Variants in SUCLG2 observed in about 807,000 individuals in gnomAD.
SUCLG2 encodes succinate--CoA ligase [GDP-forming] subunit beta, mitochondrial.
SUCLG2 carries 42 observed loss-of-function variants against 47.9 expected under a neutral mutation model. That is an observed-to-expected ratio of 0.88 (90% CI 0.69 to 1.14). The LOEUF is 1.14. SUCLG2 is among the 50% of genes most tolerant of loss of function. SUCLG2 has a pLI of 0.00. For synonymous variants in SUCLG2, 195 were observed against 197.3 expected (o/e 0.99, Z 0.10); for missense variants, 571 against 525.9 (o/e 1.09, Z -0.84).
chr3:67,437,472 G>C (rs1458363749), intron 9 of SUCLG2, among the ~76,000 whole-genome samples: 4 of 152,140 alleles, frequency 2.6e-5, no homozygotes, highest in East Asian at 1.9e-4. Context: ...AACAGTCTTT[G>C]TGTGTCAGGA....
intron 2 of SUCLG2, among the ~76,000 whole-genome samples, chr3:67,567,462 GT>G (rs529510865): frequency 1.3e-5 from 2 of 151,854 alleles, no homozygotes; most frequent in Non-Finnish European, 2.9e-5. Flanking sequence ...CACCTGGCTA[GT>G]TTTTTTCGTT....
chr3:67,518,423 G>T, intron 5 of SUCLG2, 87 bp from the exon 6 acceptor site: 2 of 1,231,446 alleles, frequency 1.6e-6, no homozygotes, highest in Non-Finnish European at 1.1e-6. Context: ...GTATTTATTT[G>T]CAAATGAGTA....
chr3:67,638,399 T>C (rs143389657), intron 1 of SUCLG2, among the ~76,000 whole-genome samples: 40 of 152,278 alleles, frequency 2.6e-4, no homozygotes, highest in African/African-American at 9.6e-4. Flanking sequence ...ATTTCCAGAT[T>C]GTAGCTACAC....
At chr3:67,386,845 G>A (rs1042504220) in intron 10 of SUCLG2, among the ~76,000 whole-genome samples, 12 of 152,178 alleles carry the variant, frequency 7.9e-5, no homozygotes, top group Non-Finnish European at 1.5e-4. Flanking sequence ...GCTCTGTGTT[G>A]CAGCCATAAT....
At chr3:67,504,712 C>A (rs904457935) in intron 7 of SUCLG2, among the ~76,000 whole-genome samples, 6 of 152,126 alleles carry the variant, frequency 3.9e-5, no homozygotes, top group African/African-American at 1.4e-4. Context: ...AATGCCCACC[C>A]TTCCCATGGA....
intron 10 of SUCLG2, among the ~76,000 whole-genome samples, chr3:67,380,397 T>C (rs754931737): frequency 4.6e-5 from 7 of 151,976 alleles, no homozygotes; most frequent in Non-Finnish European, 7.4e-5. Context: ...ACGGAGCAGT[T>C]TCCCAGAAAA....
At chr3:67,461,665 T>C (rs1257487476) in intron 9 of SUCLG2, among the ~76,000 whole-genome samples, 2 of 151,986 alleles carry the variant, frequency 1.3e-5, no homozygotes, top group African/African-American at 4.8e-5. Context: ...TTGTGTGCTG[T>C]TGAACAGCAT....
At chr3:67,633,386 A>C (rs1700958645) in intron 1 of SUCLG2, among the ~76,000 whole-genome samples, 2 of 152,182 alleles carry the variant, frequency 1.3e-5, no homozygotes, top group South Asian at 4.1e-4. Flanking sequence ...CAGAGGTCAA[A>C]CCTTTCAAAT....
chr3:67,517,277 A>T (rs938380731), intron 6 of SUCLG2, among the ~76,000 whole-genome samples: 1 of 152,180 alleles, frequency 6.6e-6, no homozygotes, highest in Non-Finnish European at 1.5e-5. Context: ...GTTGCCATTA[A>T]ACTTCCAGAG....
chr3:67,360,882 C>T, intron 10 of SUCLG2: 1 of 857,156 alleles, frequency 1.2e-6, no homozygotes, highest in South Asian at 3.2e-5. Flanking sequence ...ATGGAAACAT[C>T]GTGTTACTGA....
chr3:67,574,807 A>G (rs569829708), intron 2 of SUCLG2, among the ~76,000 whole-genome samples: 2 of 152,238 alleles, frequency 1.3e-5, no homozygotes, highest in Admixed American at 6.5e-5. Flanking sequence ...TGCAAAATAC[A>G]TATCTAATAA....
At chr3:67,425,412 G>A (rs1427948837) in intron 9 of SUCLG2, among the ~76,000 whole-genome samples, 3 of 152,164 alleles carry the variant, frequency 2.0e-5, no homozygotes, top group Non-Finnish European at 4.4e-5. Flanking sequence ...GAGGGTGTCT[G>A]AGAGTGTTTC....
At chr3:67,643,577 T>C (rs62256429) in intron 1 of SUCLG2, among the ~76,000 whole-genome samples, 52,457 of 152,072 alleles carry the variant, frequency 0.34, 9,255 homozygotes, top group Non-Finnish European at 0.36. Context: ...AGAGAACAAA[T>C]TGGAATGTCT....
intron 9 of SUCLG2, among the ~76,000 whole-genome samples, chr3:67,432,713 C>T (rs188870854): frequency 3.3e-5 from 5 of 152,298 alleles, no homozygotes; most frequent in Non-Finnish European, 7.3e-5. Context: ...TTACCATATG[C>T]CATCCCATTT....
intron 2 of SUCLG2, among the ~76,000 whole-genome samples, chr3:67,575,709 C>T (rs2107245927): frequency 6.6e-6 from 1 of 152,204 alleles, no homozygotes; most frequent in Middle Eastern, 3.4e-3. Context: ...TTAAGAATAA[C>T]TTATTAAAAA....
At chr3:67,582,273 C>T (rs1707899833) in intron 2 of SUCLG2, among the ~76,000 whole-genome samples, 1 of 152,144 alleles carries the variant, frequency 6.6e-6, no homozygotes, top group African/African-American at 2.4e-5. Context: ...TCCTACCCTC[C>T]ATTTTCAAGT....
At chr3:67,420,954 A>G (rs1267633753) in intron 9 of SUCLG2, among the ~76,000 whole-genome samples, 1 of 152,224 alleles carries the variant, frequency 6.6e-6, no homozygotes, top group East Asian at 1.9e-4. Flanking sequence ...TAACTCAGAT[A>G]AACATGTAAT....
chr3:67,443,930 C>T (rs1703844146), intron 9 of SUCLG2, among the ~76,000 whole-genome samples: 1 of 98,804 alleles, frequency 1.0e-5, no homozygotes, highest in Admixed American at 1.1e-4. Context: ...AGCGTCTCCG[C>T]CCGGCAGCCA....
At chr3:67,524,624 A>C (rs1706205937) in intron 4 of SUCLG2, among the ~76,000 whole-genome samples, 1 of 152,222 alleles carries the variant, frequency 6.6e-6, no homozygotes, top group African/African-American at 2.4e-5. Flanking sequence ...ATAAATTTAG[A>C]ATCAAAAGGT....
Sources: allele counts gnomAD v4.1 joint callset (sites outside exome capture counted in the v4.1 genomes callset), GRCh38; gene constraint gnomAD v4.1.1; transcripts MANE v1.5; gene names NCBI Gene and HGNC (gene_info 2026-07-23, HGNC 2026-07-21).